SUGP1: variants seen among roughly 807,000 people sequenced by gnomAD.
SUGP1 encodes the protein SURP and G-patch domain containing 1, also known as SURP and G-patch domain-containing protein 1.
In SUGP1, 34 loss-of-function variants were observed where a neutral mutation model predicts 76.5. That is an observed-to-expected ratio of 0.44 (90% CI 0.34 to 0.59). The LOEUF (loss-of-function observed/expected upper bound fraction) is 0.59, where lower values mean the gene tolerates loss of function less well. SUGP1 is among the 20% of genes least tolerant of loss of function. The pLI is 0.01. For synonymous variants in SUGP1, 326 were observed against 326.2 expected (o/e 1.00, Z 0.01); for missense variants, 752 against 851.7 (o/e 0.88, Z 1.46).
chr19:19,303,706 T>C lies in SUGP1; in HGVS notation c.662+18A>G. 1 of 1,614,116 alleles carries C rather than the reference T, an allele frequency of 6.2e-7. No homozygotes were observed. The highest frequency in any genetic ancestry group is 1.1e-5 in the South Asian group (1 of 91,078). ...ACGCATTCAACAGCACAGCCTTCCC[T>C]TCCCCGGAGATACTCACGCAAATGC... On this transcript the variant is annotated intron_variant, in intron 5 of 13. Transcript: ENST00000247001.
At chr19:19,301,086 G>A (rs949349415) in intron 7 of SUGP1, among the ~76,000 whole-genome samples, 1 of 152,160 alleles carries the variant, frequency 6.6e-6, no homozygotes, top group Non-Finnish European at 1.5e-5. Flanking sequence ...GGAAAGACAT[G>A]ATGACTTGGA....
chr19:19,279,183 CAGCCCGG>C, intron 10 of SUGP1, 23 bp downstream of exon 10: 26 of 1,522,244 alleles, frequency 1.7e-5, no homozygotes, highest in Non-Finnish European at 2.0e-5. Flanking sequence ...ATGCCCAGCC[CAGCCCGG>C]CCCACCCCGC....
intron 8 of SUGP1, among the ~76,000 whole-genome samples, chr19:19,294,502 G>A (rs2061209653): frequency 1.6e-5 from 2 of 124,104 alleles, no homozygotes; most frequent in African/African-American, 3.4e-5. Flanking sequence ...GGGTGACAGA[G>A]TGAGACTCAA....
At chr19:19,277,631 C>G in intron 12 of SUGP1, 103 bp downstream of exon 12, 1 of 1,448,518 alleles carries the variant, frequency 6.9e-7, no homozygotes, top group Non-Finnish European at 9.3e-7. Flanking sequence ...ATCATTTTGC[C>G]ACAAGGGAAA....
At chr19:19,294,233 GACCA>G in intron 8 of SUGP1, among the ~76,000 whole-genome samples, 1 of 147,914 alleles carries the variant, frequency 6.8e-6, no homozygotes, top group Non-Finnish European at 1.5e-5. Flanking sequence ...ACTCAAAATG[GACCA>G]AAAACCCTGG....
rs182228845 is a variant in SUGP1 at position 19,286,216 on chromosome 19, C to A, written c.1244-5925G>T. 3.7e-4 allele frequency among the ~76,000 whole-genome samples: 56 copies of A among 152,340 alleles called. 1 individual carries two copies. Among genetic ancestry groups the A allele is most frequent in the African/African-American group, 1.3e-3 (53 of 41,584 alleles). ...GGACAATGCCCCTGGCCACCCAGAA[C>A]TTCATGAGTTTAACACTGAAGGCAT... is the stretch of plus-strand genomic sequence containing the variant. On this transcript the variant is annotated intron_variant, in intron 8 of 13. Coordinates refer to ENST00000247001, the MANE Select transcript of SUGP1 (RefSeq NM_172231.4).
chr19:19,302,657 G>A (rs1035205069), intron 6 of SUGP1, among the ~76,000 whole-genome samples: 3 of 152,154 alleles, frequency 2.0e-5, no homozygotes, highest in Admixed American at 6.5e-5. Flanking sequence ...GTGACTGCGG[G>A]TCTGGGTAGG....
At chr19:19,282,895 G>A (rs894107711) in intron 8 of SUGP1, among the ~76,000 whole-genome samples, 1 of 151,940 alleles carries the variant, frequency 6.6e-6, no homozygotes, top group Non-Finnish European at 1.5e-5. Context: ...GGCTAACACG[G>A]TGAAACCCCG....
At chr19:19,308,973 T>C (rs1243909821) in intron 3 of SUGP1, among the ~76,000 whole-genome samples, 1 of 152,036 alleles carries the variant, frequency 6.6e-6, no homozygotes, top group Non-Finnish European at 1.5e-5. Flanking sequence ...TTCAACCGAT[T>C]CCCCTGCCTC....
intron 8 of SUGP1, among the ~76,000 whole-genome samples, chr19:19,285,228 C>A (rs1568620439): frequency 6.6e-6 from 1 of 151,142 alleles, no homozygotes; most frequent in Non-Finnish European, 1.5e-5. Context: ...TGCAGTGGAG[C>A]AATCGTGGCT....
At chr19:19,298,065 G>C (rs1305379815) in intron 7 of SUGP1, among the ~76,000 whole-genome samples, 4 of 152,244 alleles carry the variant, frequency 2.6e-5, no homozygotes, top group African/African-American at 9.6e-5. Flanking sequence ...AGAACTGAAT[G>C]CATGTACAGC....
At chr19:19,300,245 T>C (rs2146612620) in intron 7 of SUGP1, among the ~76,000 whole-genome samples, 1 of 151,926 alleles carries the variant, frequency 6.6e-6, no homozygotes, top group South Asian at 2.1e-4. Flanking sequence ...CCAGTTAATT[T>C]CTATATTTTT....
chr19:19,279,220 C>T lies in SUGP1; in HGVS notation c.1521G>A (p.Lys507=). 1 of 1,453,666 alleles carries T rather than the reference C, an allele frequency of 6.9e-7. No individual in the cohort carries two copies. The highest frequency in any genetic ancestry group is 9.4e-7 in the Non-Finnish European group (1 of 1,068,712). 90.0% of individuals were successfully genotyped at this position (1,453,666 alleles called of 1,614,324 possible). ...EHQLRRMEMD[K]TREWAEQLTK... Reference sequence around the variant, plus strand: ...CCCCGCTGCCCCACATACCCCTGGTCTTATCCATCTCCATGCGCCGCAGCT... The same window carrying T: ...CCCCGCTGCCCCACATACCCCTGGTTTTATCCATCTCCATGCGCCGCAGCT... The change falls in exon 10 of 14, where the codon AAG becomes AAA. Residue 507 remains lysine, a synonymous_variant. Coordinates refer to ENST00000247001, the MANE Select transcript of SUGP1 (RefSeq NM_172231.4).
Position 19,316,453 on chromosome 19 carries a change from C to T in SUGP1, c.175G>A (p.Val59Met), listed in dbSNP as rs150894145. 5.6e-6 allele frequency: 9 copies of T among 1,613,856 alleles called. No homozygotes were observed. Among genetic ancestry groups the T allele is most frequent in the Non-Finnish European group, 7.6e-6 (9 of 1,180,026 alleles). The change falls in exon 2 of 14, where the codon GTG (valine) becomes ATG (methionine). Residue 59 changes from valine (V) to methionine (M), a missense_variant. By Grantham distance (21) the Val-to-Met change is conservative. Coordinates refer to ENST00000247001, the MANE Select transcript of SUGP1 (RefSeq NM_172231.4). ...KMEQKAKQNQ[V>M]ASPQPPHPGE... ...GGATGTGGGGGCTGAGGGCTGGCCA[C>T]CTGATTCTGCTTGGCTTTCTGTTCC...
At chr19:19,309,639 A>G (rs901419237) in intron 3 of SUGP1, among the ~76,000 whole-genome samples, 1 of 152,198 alleles carries the variant, frequency 6.6e-6, no homozygotes, top group African/African-American at 2.4e-5. Context: ...GGCCGGGCAC[A>G]GTGGCTCACG....
intron 1 of SUGP1, among the ~76,000 whole-genome samples, chr19:19,318,113 C>CTTTTATT: frequency 1.0e-5 from 1 of 97,680 alleles, no homozygotes; most frequent in South Asian, 3.5e-4. Flanking sequence ...ACCCAGCCTT[C>CTTTTATT]TTTTTTTTTT....
chr19:19,316,766 C>T (rs1025014793), intron 1 of SUGP1, among the ~76,000 whole-genome samples, 173 bp from the exon 2 acceptor site: 2 of 152,130 alleles, frequency 1.3e-5, no homozygotes, highest in African/African-American at 4.8e-5. Context: ...GTACTTACTA[C>T]GTGCTATGCA....
intron 8 of SUGP1, among the ~76,000 whole-genome samples, chr19:19,293,130 G>T (rs890554498): frequency 2.6e-5 from 4 of 151,512 alleles, no homozygotes; most frequent in Non-Finnish European, 5.9e-5. Flanking sequence ...GGCTGGTCTT[G>T]AATTCCCGGC....
intron 9 of SUGP1, among the ~76,000 whole-genome samples, 159 bp from the exon 10 acceptor site, chr19:19,279,549 A>C (rs1837798821): frequency 6.6e-6 from 1 of 152,236 alleles, no homozygotes; most frequent in African/African-American, 2.4e-5. Flanking sequence ...AGTACTGAGT[A>C]CTGCCCTGGG....
Sources: allele counts gnomAD v4.1 joint callset (sites outside exome capture counted in the v4.1 genomes callset), GRCh38; gene constraint gnomAD v4.1.1; transcripts MANE v1.5; gene names NCBI Gene and HGNC (gene_info 2026-07-23, HGNC 2026-07-21).